GALNT6: variants seen among roughly 807,000 people sequenced by gnomAD.
GALNT6 encodes the protein polypeptide N-acetylgalactosaminyltransferase 6, also known as GalNAc transferase 6.
GALNT6 carries 51 observed loss-of-function variants against 65.9 expected under a neutral mutation model. The observed-to-expected ratio is 0.77, with a 90% confidence interval of 0.62 to 0.98. The LOEUF (loss-of-function observed/expected upper bound fraction) is 0.98, where lower values mean the gene tolerates loss of function less well. Among genes scored for constraint, GALNT6 ranks in the 50% least tolerant of loss-of-function variants. The pLI is 0.00. For synonymous variants in GALNT6, 323 were observed against 315.1 expected, an observed-to-expected ratio of 1.02 and a Z score of -0.26; for missense variants, 708 against 803.3, an observed-to-expected ratio of 0.88 and a Z score of 1.43.
chr12:51,364,374 A>G lies in GALNT6; in HGVS notation c.815-19T>C. On this transcript the variant is annotated intron_variant, in intron 5 of 11. Coordinates refer to ENST00000356317, the MANE Select transcript of GALNT6 (RefSeq NM_007210.4). The stretch of plus-strand genomic sequence containing the variant: ...CACTCACCTGCAGGCCCCAACCAGG[A>G]GGCAGCAGTCAGGGCCCTGCCCACA... 6.4e-7 allele frequency: 1 copy of G among 1,574,198 alleles called. No individual in the cohort carries two copies. Among genetic ancestry groups the G allele is most frequent in the South Asian group, 1.1e-5 (1 of 90,234 alleles).
At chr12:51,370,029 TA>T (rs1229987453) in intron 4 of GALNT6, among the ~76,000 whole-genome samples, 24 of 152,006 alleles carry the variant, frequency 1.6e-4, no homozygotes, top group Non-Finnish European at 3.4e-4. Flanking sequence ...GATGGTTCCT[TA>T]AAAAAAACTA....
In GALNT6 at chr12:51,371,645, G is replaced by A. The variant is rs1278589292; in HGVS notation, c.664+5550C>T. Among the ~76,000 whole-genome samples the A allele has an allele frequency of 3.9e-5, 6 of 152,138 alleles. No individual in the cohort carries two copies. The East Asian group carries it at 1.2e-3, about 29-fold the overall frequency. Reference sequence around the variant, plus strand: ...GCTGGTGGAGTGTGCCAGACAGGGAGGGAACCCTGGCTGCTGACCTAGCCA... The same window carrying A: ...GCTGGTGGAGTGTGCCAGACAGGGAAGGAACCCTGGCTGCTGACCTAGCCA... On this transcript the variant is annotated intron_variant, in intron 4 of 11. Transcript: ENST00000356317.
chr12:51,358,239 T>G lies in GALNT6; in HGVS notation c.1391A>C (p.Glu464Ala). The G allele has an allele frequency of 1.2e-6, 2 of 1,613,810 alleles. No homozygotes were observed. The highest frequency in any genetic ancestry group is 2.2e-5 in the South Asian group (2 of 91,048). Residue 464 changes from glutamate (E) to alanine (A), a missense_variant, in exon 9 of 12, where the codon GAA becomes GCA. By Grantham distance (107) the Glu-to-Ala change is moderately radical. Coordinates refer to ENST00000356317, the MANE Select transcript of GALNT6 (RefSeq NM_007210.4). ...CAGTTGTTCCCTCAGCTGCAGTCGT[T>G]CCGAAATGTCACCGAAGGATTTCTG... ...AQEKSFGDISERLQLREQLHC... is the reference protein window; with the variant it reads ...AQEKSFGDISARLQLREQLHC...
Position 51,367,253 on chromosome 12 carries a change from G to T in GALNT6, c.665-1674C>A, listed in dbSNP as rs1439360774. On this transcript the variant is annotated intron_variant, in intron 4 of 11. Coordinates refer to ENST00000356317, the MANE Select transcript of GALNT6 (RefSeq NM_007210.4). The stretch of plus-strand genomic sequence containing the variant: ...GCCTGGGCAACAAGAGCGAAACTCC[G>T]TCTCAAAAAAACCAAAAACAAACAA... Among the ~76,000 whole-genome samples, 5 of 151,786 alleles carry T rather than the reference G, an allele frequency of 3.3e-5. No individual in the cohort carries two copies. In the East Asian group the frequency reaches 9.7e-4, roughly 29 times the overall value.
rs1486299028 is a variant in GALNT6, at chr12:51,356,069, A to G, written c.1603-111T>C. 7 of 915,946 alleles carry G rather than the reference A, an allele frequency of 7.6e-6. No homozygotes were observed. The African/African-American group carries it at 8.2e-5, about 11-fold the overall frequency. 56.7% of individuals were successfully genotyped at this position (915,946 alleles called of 1,614,324 possible). A position where few individuals can be genotyped will look rare whatever the true frequency, so the allele number is the denominator to read the frequency against. Reference sequence around the variant, plus strand: ...TCTCCTGGGGAGGAGAGTGAATGTGAGGCCATGCCAAGACTTTACTCATTT... The same window carrying G: ...TCTCCTGGGGAGGAGAGTGAATGTGGGGCCATGCCAAGACTTTACTCATTT... On this transcript the variant is annotated intron_variant, in intron 10 of 11. Transcript: ENST00000356317.
At chr12:51,361,037 A>G (rs1177743307) in intron 6 of GALNT6, among the ~76,000 whole-genome samples, 199 bp from the exon 7 acceptor site, 1 of 152,164 alleles carries the variant, frequency 6.6e-6, no homozygotes, top group Non-Finnish European at 1.5e-5. Context: ...GACCAGGTCA[A>G]GGAAATATGT....
intron 6 of GALNT6, among the ~76,000 whole-genome samples, chr12:51,362,665 C>T (rs1336998839): frequency 6.6e-6 from 1 of 152,150 alleles, no homozygotes; most frequent in Non-Finnish European, 1.5e-5. Flanking sequence ...TGTTGCAGTG[C>T]ACACCAAACA....
chr12:51,352,665 C>T lies in GALNT6; in HGVS notation c.*1714G>A, dbSNP rs1946643303. On this transcript the variant is annotated 3_prime_UTR_variant, in exon 12 of 12. Coordinates refer to ENST00000356317, the MANE Select transcript of GALNT6 (RefSeq NM_007210.4). ...GCTCTCTCCACAATGGCTACCTGGC[C>T]CTGTTTTTCCTTTCTTTTTTTTGGA... is the stretch of plus-strand genomic sequence containing the variant. 6.6e-6 allele frequency: 1 copy of T among 152,048 alleles called. No homozygotes were observed. Among genetic ancestry groups the T allele is most frequent in the South Asian group, 2.1e-4 (1 of 4,824 alleles). 9.4% of individuals were successfully genotyped at this position (152,048 alleles called of 1,614,324 possible).
In GALNT6 at chr12:51,377,336, G is replaced by C. The variant is rs543357393; in HGVS notation, c.523C>G (p.Pro175Ala). The part of the protein sequence containing the change: ...CVDQKFRRCP[P>A]LATTSVIIVF... ...ATGATCACGCTGGTGGTGGCCAGTG[G>C]GGGGCAGCGCCGGAACTTCTGGTCC... is the stretch of plus-strand genomic sequence containing the variant. Residue 175 changes from proline (P) to alanine (A), a missense_variant, in exon 4 of 12, where the codon CCA becomes GCA. By Grantham distance (27) the Pro-to-Ala change is conservative. Coordinates refer to ENST00000356317, the MANE Select transcript of GALNT6 (RefSeq NM_007210.4). The C allele has an allele frequency of 4.3e-6, 7 of 1,612,604 alleles. No individual in the cohort carries two copies. The highest frequency in any genetic ancestry group is 4.0e-5 in the African/African-American group (3 of 74,870).
rs1249089429 is a variant in GALNT6, at chr12:51,387,637, G to A, written c.-104+3213C>T. Among the ~76,000 whole-genome samples the A allele has an allele frequency of 2.0e-5, 3 of 152,188 alleles. No individual in the cohort carries two copies. In the East Asian group the frequency reaches 5.8e-4, roughly 29 times the overall value. On this transcript the variant is annotated intron_variant, in intron 2 of 11. Coordinates refer to ENST00000356317, the MANE Select transcript of GALNT6 (RefSeq NM_007210.4). This position sits in a 1 kb window ranked among gnomAD's most constrained non-coding sequence, Gnocchi z 4.2. ...CTGGAGACCCTGTAGGCCCTTCCAG[G>A]TGGGGCAGGGGTGTGCAACGGTTTA...
At chr12:51,368,736 G>C (rs1947192981) in intron 4 of GALNT6, among the ~76,000 whole-genome samples, 1 of 86,114 alleles carries the variant, frequency 1.2e-5, no homozygotes, top group Non-Finnish European at 2.7e-5. Context: ...CTACTGGACA[G>C]ACAGGTGAGG....
At chr12:51,358,312 T>C (rs759506148) in intron 8 of GALNT6, 51 bp from the exon 9 acceptor site, 59 of 1,585,246 alleles carry the variant, frequency 3.7e-5, no homozygotes, top group Non-Finnish European at 5.0e-5. Context: ...TTTTTTTTTT[T>C]TTTTTTAAGA....
intron 9 of GALNT6, among the ~76,000 whole-genome samples, 181 bp from the exon 10 acceptor site, chr12:51,357,631 G>A: frequency 6.6e-6 from 1 of 152,214 alleles, no homozygotes; most frequent in East Asian, 1.9e-4. Flanking sequence ...ACAGCAAAGT[G>A]AGCTGCAGAG....
chr12:51,380,489 A>G (rs1050745134), intron 2 of GALNT6, among the ~76,000 whole-genome samples: 1 of 152,268 alleles, frequency 6.6e-6, no homozygotes, highest in Non-Finnish European at 1.5e-5. Context: ...GGATACATAC[A>G]GTATGATTCC....
Position 51,379,576 on chromosome 12 carries a change from G to A in GALNT6, c.206C>T (p.Pro69Leu). The change falls in exon 3 of 12, where the codon CCC (proline) becomes CTC (leucine). Residue 69 changes from proline to leucine, a missense_variant. Physicochemically the swap from Pro to Leu is moderately conservative, Grantham distance 98. Coordinates refer to ENST00000356317, the MANE Select transcript of GALNT6 (RefSeq NM_007210.4). Reference protein sequence around the residue: ...EAMNNLRDSMPKLQIRAPEAQ... With the variant: ...EAMNNLRDSMLKLQIRAPEAQ... ...TTCTGGAGCCCTGATTTGGAGCTTG[G>A]GCATTGAATCTCTAAGGTTGTTCAT... 1 of 1,614,122 alleles carries A rather than the reference G, an allele frequency of 6.2e-7. No homozygotes were observed. Among genetic ancestry groups the A allele is most frequent in the Non-Finnish European group, 8.5e-7 (1 of 1,179,990 alleles).
chr12:51,378,963 C>T (rs1362362219), intron 3 of GALNT6, among the ~76,000 whole-genome samples: 2 of 151,170 alleles, frequency 1.3e-5, no homozygotes, highest in East Asian at 2.0e-4. Flanking sequence ...ACTGAAACCA[C>T]AGCTTGGTAT....
In GALNT6 at chr12:51,364,341, C is replaced by A. The variant is rs771951524; in HGVS notation, c.829G>T (p.Gly277Cys). Residue 277 changes from glycine to cysteine, a missense_variant, in exon 6 of 12, where the codon GGC (glycine) becomes TGC (cysteine). Transcript: ENST00000356317. ...FLDAHCECFH[G>C]WLEPLLARIA... is the part of the protein sequence containing the mutation. Reference sequence around the variant, plus strand: ...CGAGCCAGGAGGGGCTCCAGCCAGCCGTGGAAGCACTCACCTGCAGGCCCC... The same window carrying A: ...CGAGCCAGGAGGGGCTCCAGCCAGCAGTGGAAGCACTCACCTGCAGGCCCC... The A allele has an allele frequency of 1.2e-6, 2 of 1,613,890 alleles. No individual in the cohort carries two copies. Among genetic ancestry groups the A allele is most frequent in the Admixed American group, 3.3e-5 (2 of 60,024 alleles).
Position 51,365,590 on chromosome 12 carries a change from C to G in GALNT6, c.665-11G>C. On this transcript the variant is annotated splice_polypyrimidine_tract_variant and intron_variant, in intron 4 of 11. Transcript: ENST00000356317. ...TCTCCTTTAGGTGCTCTGGAAGGGA[C>G]AGTGTCATTGTGGCCAGTCCACCAC... 6.2e-7 allele frequency: 1 copy of G among 1,612,808 alleles called. No homozygotes were observed. Among genetic ancestry groups the G allele is most frequent in the African/African-American group, 1.3e-5 (1 of 75,048 alleles).
chr12:51,359,065 C>T (rs1946836747), intron 8 of GALNT6, 67 bp downstream of exon 8: 1 of 1,269,020 alleles, frequency 7.9e-7, no homozygotes, highest in Non-Finnish European at 1.1e-6. Context: ...GCCATTAGGC[C>T]CATGAACAGG....
Sources: allele counts gnomAD v4.1 joint callset (sites outside exome capture counted in the v4.1 genomes callset), GRCh38; gene constraint gnomAD v4.1.1; non-coding constraint Gnocchi (gnomAD v3.1); transcripts MANE v1.5; gene names NCBI Gene and HGNC (gene_info 2026-07-23, HGNC 2026-07-21).